The following RGS5 variants were observed in gnomAD, a reference collection of about 807,000 sequenced individuals.
RGS5 encodes regulator of G protein signaling 5.
In RGS5, 20 loss-of-function variants were observed where a neutral mutation model predicts 18.9. The ratio of observed to expected loss-of-function variants is 1.06; its 90% CI spans 0.74 to 1.54. The LOEUF is 1.54. RGS5 is among the 40% of genes most tolerant of loss of function. RGS5 has a pLI of 0.00. For missense variants in RGS5, 201 were observed against 211.8 expected (o/e 0.95, Z 0.32); for synonymous variants, 57 against 76.2 (o/e 0.75, Z 1.31).
intron 1 of RGS5, among the ~76,000 whole-genome samples, chr1:163,320,727 G>A (rs571842857): frequency 3.3e-5 from 5 of 151,982 alleles, no homozygotes; most frequent in Admixed American, 6.6e-5. Flanking sequence ...ACTTACATCA[G>A]TAAATAGACA....
intron 1 of RGS5, among the ~76,000 whole-genome samples, chr1:163,192,572 C>T (rs1659401929): frequency 6.6e-6 from 1 of 152,212 alleles, no homozygotes; most frequent in Non-Finnish European, 1.5e-5. Flanking sequence ...CCCAGGTACA[C>T]TTTCAGTTTG....
In RGS5 at chr1:163,147,230, T is replaced by G. The variant is rs1026484613; in HGVS notation, c.*112A>C. ...GCAACATCCCCTGGGATTTTTCCCA[T>G]GTGGGTATCACTGAGCAAAGCTGCT... is the stretch of plus-strand genomic sequence containing the variant. On this transcript the variant is annotated 3_prime_UTR_variant, in exon 5 of 5. Transcript: ENST00000313961. The G allele has an allele frequency of 4.4e-6, 5 of 1,144,840 alleles. No homozygotes were observed. The highest frequency in any genetic ancestry group is 5.9e-6 in the Non-Finnish European group (5 of 840,884). The allele number at this position is 1,144,840 out of a possible 1,614,324, so 70.9% of individuals were successfully genotyped here.
intron 2 of RGS5, among the ~76,000 whole-genome samples, chr1:163,250,423 C>A (rs1557919464): frequency 1.3e-5 from 2 of 152,062 alleles, no homozygotes; most frequent in Non-Finnish European, 2.9e-5. Context: ...AATTATGAGA[C>A]GTGAAGGTGA....
intron 2 of RGS5, among the ~76,000 whole-genome samples, chr1:163,274,767 T>A (rs1188043439): frequency 1.3e-5 from 2 of 152,172 alleles, no homozygotes. Flanking sequence ...AATAAGATAA[T>A]TGAATTGGTT....
intron 1 of RGS5, among the ~76,000 whole-genome samples, chr1:163,308,091 G>A (rs1352264417): frequency 6.6e-6 from 1 of 152,084 alleles, no homozygotes; most frequent in African/African-American, 2.4e-5. Context: ...GTCTGTGGGT[G>A]GGGTCCAAAA....
At chr1:163,186,111 A>C (rs372191803) in intron 1 of RGS5, among the ~76,000 whole-genome samples, 1 of 148,338 alleles carries the variant, frequency 6.7e-6, no homozygotes, top group Admixed American at 6.8e-5. Context: ...TTGCTCTGTC[A>C]CCCAGGCTGG....
chr1:163,149,057 G>A (rs1004785741), intron 4 of RGS5, among the ~76,000 whole-genome samples: 1 of 152,198 alleles, frequency 6.6e-6, no homozygotes, highest in African/African-American at 2.4e-5. Context: ...GGACTGAGCT[G>A]TGCTTCAAAG....
Position 163,202,869 on chromosome 1 carries a change from A to G in RGS5, c.-34T>C. ...GTGGCTTAGCTCCTCCGCTTTAAGT[A>G]CAACTTCTTAACAGCAGAGCCAGTC... On this transcript the variant is annotated 5_prime_UTR_variant, in exon 1 of 5. Coordinates refer to ENST00000313961, the MANE Select transcript of RGS5 (RefSeq NM_003617.4). 1 of 1,608,408 alleles carries G rather than the reference A, an allele frequency of 6.2e-7. No homozygotes were observed. Among genetic ancestry groups the G allele is most frequent in the Non-Finnish European group, 8.5e-7 (1 of 1,175,460 alleles).
intron 2 of RGS5, among the ~76,000 whole-genome samples, chr1:163,298,811 C>T (rs1218427897): frequency 6.6e-6 from 1 of 152,080 alleles, no homozygotes; most frequent in Non-Finnish European, 1.5e-5. Flanking sequence ...TGCTGTTTCC[C>T]AAGTGCCCTC....
chr1:163,281,067 T>G (rs1648979295), intron 2 of RGS5, among the ~76,000 whole-genome samples: 1 of 151,906 alleles, frequency 6.6e-6, no homozygotes, highest in Non-Finnish European at 1.5e-5. Flanking sequence ...AGTGAATGGG[T>G]CTCATGAGAC....
rs879218109 is a variant in RGS5, at chr1:163,147,218, G to A, written c.*124C>T. On this transcript the variant is annotated 3_prime_UTR_variant, in exon 5 of 5. Transcript: ENST00000313961. ...CAAAAAGAGTAAGCAACATCCCCTGGGATTTTTCCCATGTGGGTATCACTG... is the reference window on the plus strand; with the variant it reads ...CAAAAAGAGTAAGCAACATCCCCTGAGATTTTTCCCATGTGGGTATCACTG... 2.3e-5 allele frequency: 23 copies of A among 1,011,412 alleles called. No homozygotes were observed. Among genetic ancestry groups the A allele is most frequent in the Admixed American group, 9.7e-5 (3 of 30,910 alleles). The allele number at this position is 1,011,412 out of a possible 1,614,324, so 62.7% of individuals were successfully genotyped here.
intron 2 of RGS5, among the ~76,000 whole-genome samples, chr1:163,288,770 A>G (rs1003987122): frequency 2.6e-5 from 4 of 152,146 alleles, no homozygotes; most frequent in African/African-American, 9.7e-5. Context: ...TTCTGCACAT[A>G]TCAACTTGGA....
intron 2 of RGS5, among the ~76,000 whole-genome samples, chr1:163,287,763 G>C (rs12120906): frequency 0.42 from 63,270 of 152,078 alleles, 13,659 homozygotes; most frequent in South Asian, 0.5. Flanking sequence ...TAATTCTACT[G>C]GTGGTGTCAT....
At chr1:163,253,083 C>T (rs1323061005) in intron 2 of RGS5, among the ~76,000 whole-genome samples, 1 of 151,998 alleles carries the variant, frequency 6.6e-6, no homozygotes, top group East Asian at 1.9e-4. Flanking sequence ...TTAAGTGATC[C>T]CTAAAATTTC....
intron 2 of RGS5, among the ~76,000 whole-genome samples, chr1:163,282,479 CAGG>C (rs1649020459): frequency 6.6e-6 from 1 of 152,042 alleles, no homozygotes; most frequent in African/African-American, 2.4e-5. Context: ...GAGGCTGAGG[CAGG>C]AGGATTGCTT....
chr1:163,261,572 C>CCCTTTCCCTTCCCAAA, intron 2 of RGS5, among the ~76,000 whole-genome samples: 1 of 152,264 alleles, frequency 6.6e-6, no homozygotes, highest in South Asian at 2.1e-4. Context: ...CCTTCTAGTA[C>CCCTTTCCCTTCCCAAA]CCTTTCCCTT....
intron 1 of RGS5, among the ~76,000 whole-genome samples, chr1:163,193,173 A>G (rs1659426986): frequency 6.6e-6 from 1 of 152,180 alleles, no homozygotes; most frequent in East Asian, 1.9e-4. Flanking sequence ...TCTAGAATGT[A>G]GAGTTTTAAG....
upstream of RGS5, chr1:163,217,767 C>T (rs753747817): frequency 2.8e-5 from 23 of 807,884 alleles, no homozygotes; most frequent in Non-Finnish European, 3.8e-5. Context: ...TACCATTGTG[C>T]GAAACTTCTG....
chr1:163,153,843 A>T, intron 3 of RGS5, among the ~76,000 whole-genome samples: 1 of 143,040 alleles, frequency 7.0e-6, no homozygotes, highest in East Asian at 2.1e-4. Flanking sequence ...TATATATATA[A>T]ACCAAAATTC....
Sources: gnomAD v4.1 joint callset for allele counts (sites outside exome capture counted in the v4.1 genomes callset) on GRCh38, gnomAD v4.1.1 for gene constraint, MANE v1.5 for transcripts, NCBI Gene and HGNC (gene_info 2026-07-23, HGNC 2026-07-21) for gene names.